JAKMIP2: variants seen among roughly 807,000 people sequenced by gnomAD.
The protein encoded by JAKMIP2 is janus kinase and microtubule interacting protein 2, also known as janus kinase and microtubule-interacting protein 2.
A neutral mutation model predicts 115.0 loss-of-function variants in JAKMIP2; 25 were observed. The ratio of observed to expected loss-of-function variants is 0.22; its 90% CI spans 0.16 to 0.30. The LOEUF (loss-of-function observed/expected upper bound fraction) is 0.30. Ranked by LOEUF, JAKMIP2 falls within the 10% of genes least tolerant of loss-of-function variation. JAKMIP2 has a pLI of 1.00. For synonymous variants in JAKMIP2, 334 were observed against 343.6 expected (o/e 0.97, Z 0.31); for missense variants, 642 against 957.6 (o/e 0.67, Z 4.35).
intron 1 of JAKMIP2, among the ~76,000 whole-genome samples, chr5:147,677,560 A>C (rs1760035786): frequency 6.6e-6 from 1 of 152,190 alleles, no homozygotes; most frequent in Non-Finnish European, 1.5e-5. Flanking sequence ...GGAGACCAGG[A>C]GTGGGATGCC....
Position 147,644,132 on chromosome 5 carries a change from T to G in JAKMIP2, c.1150A>C (p.Asn384His), listed in dbSNP as rs2126726607. Reference sequence around the variant, plus strand: ...AGAAACTCTGTTTCTTGTTCTTCATTAGCTTGGTCGAGGTCATTCAGAGAT... The same window carrying G: ...AGAAACTCTGTTTCTTGTTCTTCATGAGCTTGGTCGAGGTCATTCAGAGAT... ...LKSLNDLDQA[N>H]EEQETEFLKL... The change falls in exon 7 of 22, where the codon AAT (asparagine) becomes CAT (histidine). Residue 384 changes from asparagine (N) to histidine (H), a missense_variant. This residue lies in a region of JAKMIP2 where 439 missense variants were observed against 570.9 expected (regional missense o/e 0.77). Transcript: ENST00000616793. The G allele has an allele frequency of 6.2e-7, 1 of 1,609,452 alleles. No individual in the cohort carries two copies. Among genetic ancestry groups the G allele is most frequent in the East Asian group, 2.2e-5 (1 of 44,744 alleles).
intron 1 of JAKMIP2, among the ~76,000 whole-genome samples, chr5:147,751,412 G>A (rs1754555777): frequency 6.6e-6 from 1 of 152,056 alleles, no homozygotes; most frequent in East Asian, 1.9e-4. Context: ...TGACTTTTAA[G>A]AGAAAGGACT....
chr5:147,773,088 A>C (rs72835176), intron 1 of JAKMIP2, among the ~76,000 whole-genome samples: 3,743 of 152,276 alleles, frequency 0.025, 69 homozygotes, highest in Non-Finnish European at 0.037. Flanking sequence ...TAACTACTGG[A>C]ATAAATAGTT....
intron 1 of JAKMIP2, among the ~76,000 whole-genome samples, chr5:147,745,056 C>CAAAA (rs60275664): frequency 1.1e-5 from 1 of 88,410 alleles, no homozygotes. Flanking sequence ...GACTCTGTCT[C>CAAAA]AAAAAAAAAA....
intron 1 of JAKMIP2, among the ~76,000 whole-genome samples, chr5:147,780,543 T>A (rs1365376622): frequency 6.6e-6 from 1 of 152,202 alleles, no homozygotes; most frequent in Non-Finnish European, 1.5e-5. Context: ...ATACAATTTG[T>A]TATAACATAC....
intron 5 of JAKMIP2, among the ~76,000 whole-genome samples, chr5:147,646,695 A>T (rs1301049396): frequency 6.6e-6 from 1 of 151,650 alleles, no homozygotes; most frequent in African/African-American, 2.4e-5. Context: ...ACACATACAC[A>T]TGTATATGCA....
intron 1 of JAKMIP2, among the ~76,000 whole-genome samples, chr5:147,739,989 C>A (rs1464377977): frequency 6.6e-6 from 1 of 152,194 alleles, no homozygotes; most frequent in African/African-American, 2.4e-5. Flanking sequence ...GGTTTTGGTT[C>A]ATGTTCCATG....
At chr5:147,700,977 G>T (rs1356151005) in intron 1 of JAKMIP2, among the ~76,000 whole-genome samples, 3 of 152,164 alleles carry the variant, frequency 2.0e-5, no homozygotes, top group Non-Finnish European at 4.4e-5. Flanking sequence ...ATATGTATGT[G>T]GTTGGAGGAA....
intron 21 of JAKMIP2, chr5:147,594,327 G>T: frequency 2.8e-6 from 1 of 352,748 alleles, no homozygotes. Flanking sequence ...TTTACTGCAT[G>T]CTACAAATTC....
chr5:147,669,676 C>T (rs1339796450), intron 2 of JAKMIP2, among the ~76,000 whole-genome samples: 1 of 152,160 alleles, frequency 6.6e-6, no homozygotes, highest in Non-Finnish European at 1.5e-5. Flanking sequence ...GAGTCTGCCT[C>T]CCTTGAAGTG....
intron 1 of JAKMIP2, among the ~76,000 whole-genome samples, chr5:147,674,630 C>T (rs889509284): frequency 7.9e-5 from 12 of 152,292 alleles, no homozygotes; most frequent in African/African-American, 2.9e-4. Flanking sequence ...ACAATAACAG[C>T]TGCTAGAGAC....
intron 1 of JAKMIP2, among the ~76,000 whole-genome samples, chr5:147,682,664 T>C (rs1432657106): frequency 6.6e-6 from 1 of 152,208 alleles, no homozygotes; most frequent in Non-Finnish European, 1.5e-5. Flanking sequence ...ACACTGAGAT[T>C]GAATGACATA....
intron 1 of JAKMIP2, among the ~76,000 whole-genome samples, chr5:147,729,536 G>A (rs994410504): frequency 9.2e-5 from 14 of 152,076 alleles, no homozygotes; most frequent in African/African-American, 3.4e-4. Context: ...CATTTTGGGA[G>A]GCCGAGGTGG....
intron 3 of JAKMIP2, among the ~76,000 whole-genome samples, chr5:147,653,188 T>A (rs1276058829): frequency 6.6e-6 from 1 of 152,166 alleles, no homozygotes; most frequent in Non-Finnish European, 1.5e-5. Flanking sequence ...AATGTGCCTT[T>A]TAGTAGAATG....
At chr5:147,738,162 T>C (rs188562695) in intron 1 of JAKMIP2, among the ~76,000 whole-genome samples, 2 of 152,200 alleles carry the variant, frequency 1.3e-5, no homozygotes, top group African/African-American at 4.8e-5. Flanking sequence ...AGGTCATTTT[T>C]TTTTCCCACT....
Position 147,589,920 on chromosome 5 carries a change from C to G in JAKMIP2, c.*1787G>C, listed in dbSNP as rs1170478190. On this transcript the variant is annotated 3_prime_UTR_variant, in exon 22 of 22. Coordinates refer to ENST00000616793, the MANE Select transcript of JAKMIP2 (RefSeq NM_001270941.2). ...TACAGCACTTGTAATAATTACAAAG[C>G]ACATTGTGCTACTTTAAGCACCTCT... 1 of 152,138 alleles carries G rather than the reference C, an allele frequency of 6.6e-6. No individual in the cohort carries two copies. The highest frequency in any genetic ancestry group is 1.5e-5 in the Non-Finnish European group (1 of 68,018). 9.4% of individuals were successfully genotyped at this position (152,138 alleles called of 1,614,324 possible).
chr5:147,692,174 T>A (rs1276385058), intron 1 of JAKMIP2, among the ~76,000 whole-genome samples: 2 of 152,138 alleles, frequency 1.3e-5, no homozygotes, highest in Admixed American at 6.6e-5. Flanking sequence ...GACACAAACA[T>A]ACAGATATAT....
chr5:147,691,477 C>T (rs1751856439), intron 1 of JAKMIP2, among the ~76,000 whole-genome samples: 1 of 152,152 alleles, frequency 6.6e-6, no homozygotes, highest in African/African-American at 2.4e-5. Context: ...TTGAAATTTA[C>T]AAAGTACTTG....
At position 147,764,946 on chromosome 5, in the gene JAKMIP2, G is replaced by GAAAA. The variant is rs1561582563; in HGVS notation, c.-149+17509_-149+17510insTTTT. On this transcript the variant is annotated intron_variant, in intron 1 of 21. Transcript: ENST00000616793. Reference sequence around the variant, plus strand: ...AGAGAGAGAGAGAGAGAGAGAGAGAGGGAGAGAGAGAGAGAGAGAGGGGGA... The same window carrying GAAAA: ...AGAGAGAGAGAGAGAGAGAGAGAGAGAAAAGGAGAGAGAGAGAGAGAGAGGGGGA... Among the ~76,000 whole-genome samples, 22 of 86,456 alleles carry GAAAA rather than the reference G, an allele frequency of 2.5e-4. 1 individual carries two copies. In the East Asian group the frequency reaches 2.7e-3, roughly 11 times the overall value. 56.7% of individuals were successfully genotyped at this position (86,456 alleles called of 152,430 possible).
Sources: gnomAD v4.1 joint callset for allele counts (sites outside exome capture counted in the v4.1 genomes callset) on GRCh38, gnomAD v4.1.1 for gene constraint, gnomAD v4.1.1 regional missense constraint, MANE v1.5 for transcripts, NCBI Gene and HGNC (gene_info 2026-07-23, HGNC 2026-07-21) for gene names.